Variants in TMTC2 observed in about 807,000 individuals in gnomAD.
TMTC2 encodes protein O-mannosyl-transferase TMTC2.
In TMTC2, 43 loss-of-function variants were observed where a neutral mutation model predicts 82.4. That is an observed-to-expected ratio of 0.52 (90% CI 0.41 to 0.67). The LOEUF (loss-of-function observed/expected upper bound fraction) is 0.67. TMTC2 is among the 30% of genes least tolerant of loss of function. The pLI is 0.00. For synonymous variants in TMTC2, 408 were observed against 381.9 expected (o/e 1.07, Z -0.80); for missense variants, 919 against 1,012.4 (o/e 0.91, Z 1.25).
chr12:83,122,466 A>G (rs1052014883), intron 11 of TMTC2, among the ~76,000 whole-genome samples: 1 of 152,100 alleles, frequency 6.6e-6, no homozygotes, highest in Admixed American at 6.5e-5. Context: ...ATGGCTTGCT[A>G]CGGAACCCAG....
intron 3 of TMTC2, among the ~76,000 whole-genome samples, chr12:82,924,544 ATTAC>A (rs1875588088): frequency 6.6e-6 from 1 of 152,206 alleles, no homozygotes; most frequent in Non-Finnish European, 1.5e-5. Flanking sequence ...ATCTAGGGCA[ATTAC>A]TTAATCATAA....
intron 9 of TMTC2, among the ~76,000 whole-genome samples, chr12:83,040,761 C>G (rs886739024): frequency 1.3e-5 from 2 of 149,088 alleles, no homozygotes; most frequent in Admixed American, 1.3e-4. Flanking sequence ...TCTCTGCTCA[C>G]GCAAGCTCTG....
chr12:82,776,417 G>A (rs1457264386), intron 1 of TMTC2, among the ~76,000 whole-genome samples: 1 of 151,872 alleles, frequency 6.6e-6, no homozygotes, highest in Non-Finnish European at 1.5e-5. Context: ...TTCCTGCTTG[G>A]TATTTAGTTT....
chr12:82,872,393 A>T (rs1454052975), intron 2 of TMTC2, among the ~76,000 whole-genome samples: 1 of 152,230 alleles, frequency 6.6e-6, no homozygotes, highest in African/African-American at 2.4e-5. Context: ...CACCTACTCT[A>T]CATGGTGTTT....
rs1052846400 is a variant in TMTC2, at chr12:82,713,239, T to C, written c.83+25570T>C. 6.6e-5 allele frequency among the ~76,000 whole-genome samples: 10 copies of C among 151,554 alleles called. No individual in the cohort carries two copies. In the East Asian group the frequency reaches 1.9e-3, roughly 29 times the overall value. On this transcript the variant is annotated intron_variant, in intron 1 of 11. Coordinates refer to ENST00000321196, the MANE Select transcript of TMTC2 (RefSeq NM_152588.3). Reference sequence around the variant, plus strand: ...GGGAGGCTGAGACAGGAGAATTGCCTGGGAGGTGGAGGTTGCAGTGAGCCA... The same window carrying C: ...GGGAGGCTGAGACAGGAGAATTGCCCGGGAGGTGGAGGTTGCAGTGAGCCA...
intron 4 of TMTC2, among the ~76,000 whole-genome samples, chr12:82,937,930 T>G (rs1876490117): frequency 1.2e-5 from 1 of 85,264 alleles, no homozygotes. Context: ...TTATTTTTTT[T>G]TTTTGAGACA....
chr12:82,962,914 A>G (rs1200200911), intron 4 of TMTC2, among the ~76,000 whole-genome samples: 1 of 152,000 alleles, frequency 6.6e-6, no homozygotes, highest in Non-Finnish European at 1.5e-5. Flanking sequence ...TCTGTGTAGG[A>G]GGGTCTCAAG....
In TMTC2 at chr12:83,090,203, T is replaced by C. The variant is rs559881319; in HGVS notation, c.2331+28372T>C. Among the ~76,000 whole-genome samples, 22 of 152,328 alleles carry C rather than the reference T, an allele frequency of 1.4e-4. No homozygotes were observed. In the South Asian group the frequency reaches 2.1e-3, roughly 14 times the overall value. ...GGGAAGATTAGATGTAGATATACTTTCCTAGATTTAGTTTGTGTCTTGAAG... is the reference window on the plus strand; with the variant it reads ...GGGAAGATTAGATGTAGATATACTTCCCTAGATTTAGTTTGTGTCTTGAAG... On this transcript the variant is annotated intron_variant, in intron 11 of 11. Coordinates refer to ENST00000321196, the MANE Select transcript of TMTC2 (RefSeq NM_152588.3).
At chr12:83,047,279 T>TTGTTG (rs1207181974) in intron 9 of TMTC2, among the ~76,000 whole-genome samples, 1 of 152,192 alleles carries the variant, frequency 6.6e-6, no homozygotes, top group Non-Finnish European at 1.5e-5. Context: ...TTGTTTCTTA[T>TTGTTG]TGTTGCCCCA....
intron 4 of TMTC2, among the ~76,000 whole-genome samples, chr12:82,931,256 G>A (rs1430282370): frequency 6.6e-6 from 1 of 152,034 alleles, no homozygotes; most frequent in Admixed American, 6.5e-5. Flanking sequence ...AAAAATTGCT[G>A]TATCAAAGTA....
intron 8 of TMTC2, among the ~76,000 whole-genome samples, chr12:83,014,640 A>C (rs1796292): frequency 0.79 from 120,042 of 152,180 alleles, 48,206 homozygotes; most frequent in South Asian, 0.93. Context: ...CTGGAATGCT[A>C]TTTTAAATAC....
intron 2 of TMTC2, among the ~76,000 whole-genome samples, chr12:82,882,787 T>G (rs1592599132): frequency 6.6e-6 from 1 of 152,016 alleles, no homozygotes; most frequent in East Asian, 1.9e-4. Flanking sequence ...GTGCGTGCAG[T>G]GGCAATCCCA....
chr12:82,876,665 T>A (rs553602076), intron 2 of TMTC2, among the ~76,000 whole-genome samples: 89 of 152,342 alleles, frequency 5.8e-4, no homozygotes, highest in African/African-American at 2.0e-3. Context: ...TTAGTCTTTT[T>A]AAGTATAACT....
At chr12:83,025,560 G>T (rs1370516046) in intron 8 of TMTC2, among the ~76,000 whole-genome samples, 1 of 152,102 alleles carries the variant, frequency 6.6e-6, no homozygotes, top group African/African-American at 2.4e-5. Flanking sequence ...TTGTCCCGCA[G>T]ACACCAACAG....
intron 11 of TMTC2, among the ~76,000 whole-genome samples, chr12:83,091,314 CATTT>C (rs1483733498): frequency 6.6e-6 from 1 of 152,088 alleles, no homozygotes; most frequent in Admixed American, 6.6e-5. Flanking sequence ...ATATTTATTT[CATTT>C]ATTTGTTTTT....
At chr12:82,810,633 G>A (rs908661594) in intron 1 of TMTC2, among the ~76,000 whole-genome samples, 2 of 151,958 alleles carry the variant, frequency 1.3e-5, no homozygotes, top group African/African-American at 2.4e-5. Context: ...TAGTTATTGT[G>A]CACTGAAATG....
At chr12:82,946,192 AATG>A (rs1876982397) in intron 4 of TMTC2, among the ~76,000 whole-genome samples, 1 of 152,324 alleles carries the variant, frequency 6.6e-6, no homozygotes, top group African/African-American at 2.4e-5. Flanking sequence ...AATGACAAAT[AATG>A]ATATTAAAAT....
intron 9 of TMTC2, among the ~76,000 whole-genome samples, chr12:83,048,730 G>A (rs967797633): frequency 1.3e-5 from 2 of 152,288 alleles, no homozygotes; most frequent in African/African-American, 4.8e-5. Flanking sequence ...GTGCAGTGGC[G>A]CAATCTCAGC....
At chr12:83,083,590 G>A (rs1487186806) in intron 11 of TMTC2, among the ~76,000 whole-genome samples, 3 of 152,168 alleles carry the variant, frequency 2.0e-5, no homozygotes, top group Admixed American at 6.5e-5. Context: ...TCCCGAGCGC[G>A]TAGACTGGTG....
Sources: allele counts gnomAD v4.1 joint callset (sites outside exome capture counted in the v4.1 genomes callset), GRCh38; gene constraint gnomAD v4.1.1; transcripts MANE v1.5; gene names NCBI Gene and HGNC (gene_info 2026-07-23, HGNC 2026-07-21).